Variants in CALN1 observed in about 807,000 individuals in gnomAD.
The protein encoded by CALN1 is calneuron 1.
In CALN1, 17 loss-of-function variants were observed where a neutral mutation model predicts 30.6. That is an observed-to-expected ratio of 0.56 (90% CI 0.38 to 0.83). The LOEUF (loss-of-function observed/expected upper bound fraction) is 0.83, where lower values mean the gene tolerates loss of function less well. Among genes scored for constraint, CALN1 ranks in the 40% least tolerant of loss-of-function variants. The pLI is 0.00. For missense variants in CALN1, 291 were observed against 354.9 expected (o/e 0.82, Z 1.45); for synonymous variants, 156 against 131.4 (o/e 1.19, Z -1.28).
intron 5 of CALN1, among the ~76,000 whole-genome samples, chr7:71,989,809 T>C (rs1798856453): frequency 6.6e-6 from 1 of 151,856 alleles, no homozygotes; most frequent in Non-Finnish European, 1.5e-5. Flanking sequence ...CACAGCTTAG[T>C]GTCTTAAAAA....
chr7:72,239,288 C>T (rs555644823), intron 3 of CALN1, among the ~76,000 whole-genome samples: 28 of 151,976 alleles, frequency 1.8e-4, no homozygotes, highest in Non-Finnish European at 2.5e-4. Context: ...TTCTCAGCTA[C>T]GCAGGAGGCT....
chr7:72,477,041 T>C, the CALN1 span, among the ~76,000 whole-genome samples: 1 of 152,248 alleles, frequency 6.6e-6, no homozygotes, highest in Middle Eastern at 3.4e-3. Flanking sequence ...TGAAACACCG[T>C]CTCTACTAAA....
At chr7:71,981,741 C>T (rs1798406133) in intron 5 of CALN1, among the ~76,000 whole-genome samples, 1 of 151,576 alleles carries the variant, frequency 6.6e-6, no homozygotes, top group South Asian at 2.1e-4. Context: ...CGTGGAAGTT[C>T]CTGGAGGGTG....
intron 3 of CALN1, among the ~76,000 whole-genome samples, chr7:72,227,550 GAAAAAAAAGA>G (rs1282651494): frequency 2.1e-4 from 7 of 33,628 alleles, no homozygotes; most frequent in South Asian, 1.5e-3. Flanking sequence ...AAAAAAAAAA[GAAAAAAAAGA>G]AAAAAGAAAA....
At chr7:71,863,128 T>A (rs531762836) in intron 5 of CALN1, among the ~76,000 whole-genome samples, 1 of 151,230 alleles carries the variant, frequency 6.6e-6, no homozygotes, top group Non-Finnish European at 1.5e-5. Flanking sequence ...GGCATAGTGG[T>A]AAACACCTGT....
At chr7:72,267,652 T>G (rs955488900) in intron 3 of CALN1, among the ~76,000 whole-genome samples, 1 of 152,236 alleles carries the variant, frequency 6.6e-6, no homozygotes, top group Non-Finnish European at 1.5e-5. Context: ...ATGCTGGTTA[T>G]GTAACCTTGG....
At chr7:72,451,270 AGGAGGAAGAAGGGGCGAAGGGAAG>A (rs1808657533), upstream of CALN1, among the ~76,000 whole-genome samples, 1 of 149,060 alleles carries the variant, frequency 6.7e-6, no homozygotes, top group Non-Finnish European at 1.5e-5. Context: ...GAGGAGGAGA[AGGAGGAAGAAGGGGCGAAGGGAAG>A]AGAAGAGGAA....
At chr7:72,214,191 T>A (rs1420473918) in intron 3 of CALN1, among the ~76,000 whole-genome samples, 1 of 152,200 alleles carries the variant, frequency 6.6e-6, no homozygotes, top group Non-Finnish European at 1.5e-5. Flanking sequence ...TAAATATTTG[T>A]ATATTAGGCT....
At chr7:72,024,328 G>C (rs1235786379) in intron 4 of CALN1, among the ~76,000 whole-genome samples, 1 of 152,182 alleles carries the variant, frequency 6.6e-6, no homozygotes, top group Non-Finnish European at 1.5e-5. Flanking sequence ...TACCTTCGCA[G>C]TCTCTTCTAT....
At chr7:72,374,536 A>AG (rs1382555694) in intron 2 of CALN1, among the ~76,000 whole-genome samples, 5 of 141,984 alleles carry the variant, frequency 3.5e-5, no homozygotes, top group Non-Finnish European at 8.0e-5. Context: ...GTCTCCAAAA[A>AG]AAAAAAAAAA....
intron 5 of CALN1, among the ~76,000 whole-genome samples, chr7:71,963,066 A>C (rs986429396): frequency 5.9e-5 from 9 of 152,222 alleles, no homozygotes; most frequent in Non-Finnish European, 1.3e-4. Flanking sequence ...TTGGAATCTC[A>C]GTTACCAGGT....
intron 2 of CALN1, among the ~76,000 whole-genome samples, chr7:72,299,377 TAA>T (rs2129555505): frequency 6.6e-6 from 1 of 152,078 alleles, no homozygotes; most frequent in East Asian, 1.9e-4. Context: ...AGAGACTATT[TAA>T]GAGGAGAAAA....
chr7:71,912,331 A>G (rs187430321), intron 5 of CALN1, among the ~76,000 whole-genome samples: 3 of 152,200 alleles, frequency 2.0e-5, no homozygotes, highest in African/African-American at 7.2e-5. Flanking sequence ...TGATGATAAC[A>G]GACAGTGCCC....
In CALN1 at chr7:72,373,613, T is replaced by C. The variant is rs940376927; in HGVS notation, c.119+29638A>G. The stretch of plus-strand genomic sequence containing the variant: ...GGCTAATATAAGTTTTCTGAAGATA[T>C]TTTAGGTAAACTAGGCTAAGTTATG... On this transcript the variant is annotated intron_variant, in intron 2 of 6. Transcript: ENST00000395275. Among the ~76,000 whole-genome samples, 4 of 152,200 alleles carry C rather than the reference T, an allele frequency of 2.6e-5. No individual in the cohort carries two copies. In the South Asian group the frequency reaches 6.2e-4, roughly 24 times the overall value.
intron 5 of CALN1, among the ~76,000 whole-genome samples, chr7:71,903,115 C>CATT (rs1472975677): frequency 3.9e-5 from 6 of 151,940 alleles, no homozygotes; most frequent in African/African-American, 1.4e-4. Flanking sequence ...CAGATTGCTA[C>CATT]ATTAAAAAGC....
intron 1 of CALN1, among the ~76,000 whole-genome samples, chr7:72,441,836 G>C (rs1808356091): frequency 2.0e-5 from 3 of 151,838 alleles, no homozygotes; most frequent in Admixed American, 1.3e-4. Context: ...ATCTGAGATG[G>C]CTTTAAATAC....
intron 5 of CALN1, among the ~76,000 whole-genome samples, chr7:71,889,853 T>C (rs1473821421): frequency 6.6e-6 from 1 of 151,870 alleles, no homozygotes; most frequent in Non-Finnish European, 1.5e-5. Flanking sequence ...TCTGTAATCC[T>C]ACTCTGGAGG....
the CALN1 span, among the ~76,000 whole-genome samples, chr7:72,484,138 T>C: frequency 6.6e-6 from 1 of 152,198 alleles, no homozygotes; most frequent in Non-Finnish European, 1.5e-5. Flanking sequence ...CACAATTGAT[T>C]TTTCTTCTCA....
intron 6 of CALN1, among the ~76,000 whole-genome samples, chr7:71,804,989 T>C (rs530994329): frequency 2.0e-5 from 3 of 152,158 alleles, no homozygotes; most frequent in Non-Finnish European, 4.4e-5. Context: ...AATAAAAGGA[T>C]GCTGATGGCA....
Sources: allele counts gnomAD v4.1 joint callset (sites outside exome capture counted in the v4.1 genomes callset), GRCh38; gene constraint gnomAD v4.1.1; transcripts MANE v1.5; gene names NCBI Gene and HGNC (gene_info 2026-07-23, HGNC 2026-07-21).